Variants in RYR2 observed in about 807,000 individuals in gnomAD.
RYR2 encodes cardiac muscle ryanodine receptor-calcium release channel.
In RYR2, 227 loss-of-function variants were observed where a neutral mutation model predicts 601.1. That is an observed-to-expected ratio of 0.38 (90% CI 0.34 to 0.42). RYR2 has a LOEUF of 0.42. Among genes scored for constraint, RYR2 ranks in the 10% least tolerant of loss-of-function variants. The pLI is 1.00. For missense variants in RYR2, 4,646 were observed against 6,156.5 expected (o/e 0.75, Z 8.21); for synonymous variants, 2,223 against 2,175.1 (o/e 1.02, Z -0.61).
chr1:237,354,874 C>T (rs1313735541), intron 3 of RYR2, among the ~76,000 whole-genome samples: 1 of 152,126 alleles, frequency 6.6e-6, no homozygotes. Flanking sequence ...AGGCAAAATG[C>T]TCTGTTACAA....
rs913896619 is a variant in RYR2 at position 237,701,139 on chromosome 1, C to T, written c.9367+672C>T. 4.6e-5 allele frequency among the ~76,000 whole-genome samples: 7 copies of T among 152,358 alleles called. 1 individual carries two copies. The South Asian group carries it at 1.4e-3, about 32-fold the overall frequency. On this transcript the variant is annotated intron_variant, in intron 65 of 104. Transcript: ENST00000366574. ...AACTCAGACTCGTGCATTGTCCATTCCTCAGGTGATGGGCACCTCTGTGCA... is the reference window on the plus strand; with the variant it reads ...AACTCAGACTCGTGCATTGTCCATTTCTCAGGTGATGGGCACCTCTGTGCA...
chr1:237,427,123 G>A (rs1706255923), intron 12 of RYR2, among the ~76,000 whole-genome samples: 1 of 152,172 alleles, frequency 6.6e-6, no homozygotes, highest in Non-Finnish European at 1.5e-5. Flanking sequence ...AAGTTGGTGA[G>A]AGAAAGAGGA....
At chr1:237,173,188 T>A (rs2148914559) in intron 1 of RYR2, among the ~76,000 whole-genome samples, 1 of 152,006 alleles carries the variant, frequency 6.6e-6, no homozygotes, top group East Asian at 1.9e-4. Context: ...TTTTTTTTTA[T>A]CAGCTTATTG....
rs528858996 is a variant in RYR2 at position 237,585,156 on chromosome 1, A to G, written c.3599-4637A>G. Among the ~76,000 whole-genome samples, 29 of 152,294 alleles carry G rather than the reference A, an allele frequency of 1.9e-4. No individual in the cohort carries two copies. The South Asian group carries it at 6.0e-3, about 32-fold the overall frequency. Reference sequence around the variant, plus strand: ...CGTTGCAACAGAGGCCATATGATCCATGAAACCTAAAATGTCTTCTCTGTA... The same window carrying G: ...CGTTGCAACAGAGGCCATATGATCCGTGAAACCTAAAATGTCTTCTCTGTA... On this transcript the variant is annotated intron_variant, in intron 29 of 104. Transcript: ENST00000366574.
At chr1:237,782,288 T>C (rs1573926230) in intron 89 of RYR2, among the ~76,000 whole-genome samples, 1 of 150,722 alleles carries the variant, frequency 6.6e-6, no homozygotes, top group Non-Finnish European at 1.5e-5. Context: ...CTCTGGGAGG[T>C]ATGACCCTTG....
rs371147744 is a variant in RYR2 at position 237,707,023 on chromosome 1, G to A, written c.9655G>A (p.Val3219Met). ...PSLEKLMEEIVELAESGIRYT... is the reference protein window; with the variant it reads ...PSLEKLMEEIMELAESGIRYT... ...TTTGGAGAAACTCATGGAAGAAATC[G>A]TGGAATTAGCCGAGTCCGGCATTCG... The change falls in exon 68 of 105, where the codon GTG becomes ATG. Residue 3219 changes from valine (V) to methionine (M), a missense_variant. By Grantham distance (21) the Val-to-Met change is conservative. Coordinates refer to ENST00000366574, the MANE Select transcript of RYR2 (RefSeq NM_001035.3). 1.9e-4 allele frequency: 305 copies of A among 1,613,718 alleles called. No homozygotes were observed. Among genetic ancestry groups the A allele is most frequent in the Non-Finnish European group, 2.3e-4 (271 of 1,179,820 alleles).
At chr1:237,342,236 A>G (rs535106549) in intron 3 of RYR2, among the ~76,000 whole-genome samples, 21 of 151,810 alleles carry the variant, frequency 1.4e-4, no homozygotes, top group Admixed American at 7.2e-4. Context: ...GCAGCCTCCA[A>G]TGCTGGGTCT....
At chr1:237,402,230 C>A (rs375201307) in intron 10 of RYR2, among the ~76,000 whole-genome samples, 49 of 144,340 alleles carry the variant, frequency 3.4e-4, no homozygotes, top group South Asian at 4.5e-4. Context: ...CTTGTCTCTA[C>A]AAAAAAAAAA....
intron 1 of RYR2, among the ~76,000 whole-genome samples, chr1:237,213,368 C>T (rs1008272945): frequency 1.3e-5 from 2 of 151,676 alleles, no homozygotes; most frequent in Admixed American, 6.6e-5. Context: ...TGTATAAATG[C>T]GATCTCCCTC....
At chr1:237,642,853 C>T (rs1183039874) in intron 47 of RYR2, among the ~76,000 whole-genome samples, 4 of 151,996 alleles carry the variant, frequency 2.6e-5, no homozygotes, top group South Asian at 4.2e-4. Flanking sequence ...AAATCAGGGT[C>T]GAAGACAGAT....
At chr1:237,611,068 G>A (rs758133107) in intron 36 of RYR2, 80 bp downstream of exon 36, 114 of 1,203,532 alleles carry the variant, frequency 9.5e-5, no homozygotes, top group Non-Finnish European at 1.3e-4. Context: ...GTAGTGGTGC[G>A]GGGCAGGGGT....
intron 91 of RYR2, among the ~76,000 whole-genome samples, chr1:237,786,897 TG>T (rs1300908497): frequency 5.9e-5 from 9 of 152,196 alleles, no homozygotes; most frequent in Admixed American, 2.6e-4. Context: ...CTCACACTAT[TG>T]GGTCAGTTGT....
chr1:237,574,303 T>A (rs1256991224), intron 29 of RYR2, among the ~76,000 whole-genome samples: 1 of 152,196 alleles, frequency 6.6e-6, no homozygotes, highest in Non-Finnish European at 1.5e-5. Flanking sequence ...ACCATTGGAC[T>A]GATAACCATT....
At chr1:237,677,891 A>G (rs1226102884) in intron 60 of RYR2, among the ~76,000 whole-genome samples, 157 bp from the exon 61 acceptor site, 1 of 152,182 alleles carries the variant, frequency 6.6e-6, no homozygotes, top group Non-Finnish European at 1.5e-5. Flanking sequence ...ATTTTTAATG[A>G]CACTGCCAAA....
chr1:237,496,446 T>C lies in RYR2; in HGVS notation c.1962-65T>C, dbSNP rs914987561. The C allele has an allele frequency of 3.1e-6, 5 of 1,589,370 alleles. No homozygotes were observed. The African/African-American group carries it at 5.4e-5, about 17-fold the overall frequency. ...GAAATACACAAGTGAAATTGTGAGA[T>C]GTAAATGAAAACAATGAAAGGTTTT... On this transcript the variant is annotated intron_variant, in intron 19 of 104. Transcript: ENST00000366574.
intron 14 of RYR2, among the ~76,000 whole-genome samples, chr1:237,452,744 T>C (rs1658353244): frequency 6.6e-6 from 1 of 151,468 alleles, no homozygotes; most frequent in Non-Finnish European, 1.5e-5. Flanking sequence ...GTGATTCTAC[T>C]ATCTTTGGAT....
At chr1:237,830,300 G>C in intron 102 of RYR2, 1 of 423,638 alleles carries the variant, frequency 2.4e-6, no homozygotes, top group South Asian at 2.7e-5. Context: ...CTTGTTCCCT[G>C]TCTGCGTCTG....
intron 100 of RYR2, among the ~76,000 whole-genome samples, chr1:237,814,333 T>C (rs1661559213): frequency 6.6e-6 from 1 of 152,210 alleles, no homozygotes; most frequent in Non-Finnish European, 1.5e-5. Context: ...CTTGAACGTG[T>C]CCTTTCACAG....
chr1:237,832,973 T>TTCACAGAGACAC lies in RYR2; in HGVS notation c.*327_*338dup, dbSNP rs1663974906. 5.5e-6 allele frequency: 1 copy of TTCACAGAGACAC among 183,008 alleles called. No homozygotes were observed. Among genetic ancestry groups the TTCACAGAGACAC allele is most frequent in the African/African-American group, 2.4e-5 (1 of 42,500 alleles). 11.3% of individuals were successfully genotyped at this position (183,008 alleles called of 1,614,324 possible). ...CGGAGTCTTCTCGAGCTACGAGACC[T>TTCACAGAGACAC]TCACAGAGACACGTGGCAGCCACAC... On this transcript the variant is annotated 3_prime_UTR_variant, in exon 105 of 105. Transcript: ENST00000366574.
Sources: gnomAD v4.1 joint callset for allele counts (sites outside exome capture counted in the v4.1 genomes callset) on GRCh38, gnomAD v4.1.1 for gene constraint, MANE v1.5 for transcripts, NCBI Gene and HGNC (gene_info 2026-07-23, HGNC 2026-07-21) for gene names.